Variants in PDE7B observed in about 807,000 individuals in gnomAD.
The protein encoded by PDE7B is 3',5'-cyclic-AMP phosphodiesterase 7B.
PDE7B carries 29 observed loss-of-function variants against 56.2 expected under a neutral mutation model. The observed-to-expected ratio is 0.52, with a 90% CI of 0.38 to 0.70. PDE7B has a LOEUF of 0.70. Ranked by LOEUF, PDE7B falls within the 30% of genes least tolerant of loss-of-function variation. PDE7B has a pLI of 0.00. For synonymous variants in PDE7B, 197 were observed against 196.9 expected (o/e 1.00, Z 0.00); for missense variants, 490 against 565.0 (o/e 0.87, Z 1.35).
intron 2 of PDE7B, among the ~76,000 whole-genome samples, chr6:135,961,265 G>GTGTGTGTGTGTGTA (rs1562453374): frequency 7.0e-6 from 1 of 142,290 alleles, no homozygotes; most frequent in African/African-American, 2.9e-5. Flanking sequence ...ATGTGTGTGT[G>GTGTGTGTGTGTGTA]TGTGTGTGTG....
chr6:136,184,833 A>C (rs1779119436), intron 11 of PDE7B, among the ~76,000 whole-genome samples: 2 of 152,334 alleles, frequency 1.3e-5, no homozygotes, highest in Admixed American at 6.5e-5. Flanking sequence ...ACCAGGTTAA[A>C]GCAGAGTGAA....
At chr6:136,122,132 A>G (rs1442105461) in intron 3 of PDE7B, among the ~76,000 whole-genome samples, 1 of 151,356 alleles carries the variant, frequency 6.6e-6, no homozygotes, top group African/African-American at 2.4e-5. Context: ...AGTAGCTGGG[A>G]CTCCAGGCGC....
chr6:136,193,007 T>C lies in PDE7B; in HGVS notation c.*1167T>C, dbSNP rs1422400289. On this transcript the variant is annotated 3_prime_UTR_variant, in exon 13 of 13. Coordinates refer to ENST00000308191, the MANE Select transcript of PDE7B (RefSeq NM_018945.4). ...AGTGTTTAATCTATGGCACCAAGCA[T>C]CGTTTCCTCAGATTAATGAGACCCT... The C allele has an allele frequency of 6.6e-6, 1 of 152,434 alleles. No homozygotes were observed. Among genetic ancestry groups the C allele is most frequent in the Non-Finnish European group, 1.5e-5 (1 of 68,046 alleles). The allele number at this position is 152,434 out of a possible 1,614,324, so 9.4% of individuals were successfully genotyped here.
At position 136,191,785 on chromosome 6, in the gene PDE7B, A is replaced by T. The variant is rs756062066; in HGVS notation, c.1298A>T (p.His433Leu). The T allele has an allele frequency of 8.9e-6, 14 of 1,571,694 alleles. No individual in the cohort carries two copies. The highest frequency in any genetic ancestry group is 1.2e-5 in the Non-Finnish European group (14 of 1,159,178). ...GGCAGCAGTGGCAGCGGGCCTGACC[A>T]CGACCACGCAGGCCAAGGGACTGAG... ...SRGSSGSGPDHDHAGQGTESE... is the reference protein window; with the variant it reads ...SRGSSGSGPDLDHAGQGTESE... Residue 433 changes from histidine (H) to leucine (L), a missense_variant, in exon 13 of 13, where the codon CAC (histidine) becomes CTC (leucine). Coordinates refer to ENST00000308191, the MANE Select transcript of PDE7B (RefSeq NM_018945.4).
chr6:136,108,759 G>T lies in PDE7B; in HGVS notation c.111G>T (p.Gly37=). 4.3e-6 allele frequency: 7 copies of T among 1,611,866 alleles called. No homozygotes were observed. Among genetic ancestry groups the T allele is most frequent in the Non-Finnish European group, 5.9e-6 (7 of 1,178,066 alleles). ...LGDIRLRGQT[G]VRAERRGSYP... ...ATATACGACTAAGGGGTCAGACGGG[G>T]GTTCGTGCTGAACGCCGTGGCTCCT... The change falls in exon 3 of 13, where the codon GGG becomes GGT. Residue 37 remains glycine, a synonymous_variant. Transcript: ENST00000308191.
rs74476084 is a variant in PDE7B, at chr6:135,867,632, T to C, written c.21+15613T>C. ...CAGTGTGCACTGTTCCCCTCTTAAATGGTAAGTTTTATGAAACGTTACTCT... is the reference window on the plus strand; with the variant it reads ...CAGTGTGCACTGTTCCCCTCTTAAACGGTAAGTTTTATGAAACGTTACTCT... On this transcript the variant is annotated intron_variant, in intron 1 of 12. Transcript: ENST00000308191. Among the ~76,000 whole-genome samples, 1,396 of 152,290 alleles carry C rather than the reference T, an allele frequency of 9.2e-3. 18 individuals are homozygous for C. The highest frequency in any genetic ancestry group is 0.012 in the Non-Finnish European group (801 of 68,016).
chr6:135,876,677 T>C lies in PDE7B; in HGVS notation c.21+24658T>C, dbSNP rs183008583. On this transcript the variant is annotated intron_variant, in intron 1 of 12. Coordinates refer to ENST00000308191, the MANE Select transcript of PDE7B (RefSeq NM_018945.4). ...TTCAAGACCAGCCTGGCCAACATGG[T>C]GAGACCCCCGTCTCTACTAAAAATA... Among the ~76,000 whole-genome samples, 934 of 152,132 alleles carry C rather than the reference T, an allele frequency of 6.1e-3. 4 individuals carry two copies. The highest frequency in any genetic ancestry group is 0.012 in the South Asian group (57 of 4,800).
chr6:136,136,301 A>G (rs75860566), intron 3 of PDE7B, among the ~76,000 whole-genome samples: 200 of 152,238 alleles, frequency 1.3e-3, no homozygotes, highest in African/African-American at 4.6e-3. Context: ...GAGCACACAC[A>G]TCAGGAAAGT....
intron 2 of PDE7B, among the ~76,000 whole-genome samples, chr6:136,073,961 T>C (rs1777089663): frequency 1.3e-5 from 2 of 152,188 alleles, no homozygotes; most frequent in South Asian, 2.1e-4. Context: ...TTCTTTCCAA[T>C]AGAAATAATT....
At chr6:136,006,077 T>C (rs1258918401) in intron 2 of PDE7B, among the ~76,000 whole-genome samples, 1 of 150,712 alleles carries the variant, frequency 6.6e-6, no homozygotes, top group Non-Finnish European at 1.5e-5. Context: ...AAATTGGAAA[T>C]CATCATTCTC....
chr6:135,935,217 T>TATATA (rs1554268029), intron 1 of PDE7B, among the ~76,000 whole-genome samples: 7 of 91,174 alleles, frequency 7.7e-5, no homozygotes, highest in African/African-American at 9.8e-5. Context: ...TATATATATA[T>TATATA]TTTCATGATT....
At chr6:135,865,947 T>C (rs1399708243) in intron 1 of PDE7B, among the ~76,000 whole-genome samples, 1 of 152,144 alleles carries the variant, frequency 6.6e-6, no homozygotes, top group South Asian at 2.1e-4. Flanking sequence ...GGAAAACACA[T>C]ATAGTATTAA....
At chr6:136,019,901 G>A (rs1216708395) in intron 2 of PDE7B, among the ~76,000 whole-genome samples, 1 of 152,166 alleles carries the variant, frequency 6.6e-6, no homozygotes, top group Admixed American at 6.5e-5. Flanking sequence ...AGTAGGCTGA[G>A]GAGAGGGAGG....
intron 2 of PDE7B, among the ~76,000 whole-genome samples, chr6:136,089,871 CTG>C (rs918190397): frequency 2.6e-5 from 4 of 152,132 alleles, no homozygotes; most frequent in African/African-American, 9.7e-5. Context: ...TCCTTATTTT[CTG>C]TGTCTAGTGT....
chr6:136,151,021 C>G (rs573499483), intron 5 of PDE7B, 139 bp from the exon 6 acceptor site: 2 of 574,384 alleles, frequency 3.5e-6, no homozygotes, highest in African/African-American at 2.0e-5. Flanking sequence ...TATGCTCTAT[C>G]CTTGAATAAT....
intron 3 of PDE7B, among the ~76,000 whole-genome samples, chr6:136,130,486 G>A (rs1778098979): frequency 6.6e-6 from 1 of 152,192 alleles, no homozygotes; most frequent in Non-Finnish European, 1.5e-5. Context: ...ACTTTCTTGA[G>A]AGCAGAGCAC....
At chr6:136,114,009 G>C (rs549905411) in intron 3 of PDE7B, among the ~76,000 whole-genome samples, 12 of 152,324 alleles carry the variant, frequency 7.9e-5, no homozygotes, top group Admixed American at 1.3e-4. Flanking sequence ...TTGAGGAAAA[G>C]AAACAGCTTC....
intron 2 of PDE7B, among the ~76,000 whole-genome samples, chr6:136,005,486 A>G (rs1775763284): frequency 6.6e-6 from 1 of 152,224 alleles, no homozygotes; most frequent in Admixed American, 6.5e-5. Flanking sequence ...AGAATCTACA[A>G]TGAACTCCAA....
chr6:135,958,441 A>C (rs560156619), intron 2 of PDE7B, among the ~76,000 whole-genome samples: 6 of 152,158 alleles, frequency 3.9e-5, no homozygotes, highest in Non-Finnish European at 8.8e-5. Flanking sequence ...TATTGGAAGG[A>C]GTATAGATTA....
Sources: gnomAD v4.1 joint callset for allele counts (sites outside exome capture counted in the v4.1 genomes callset) on GRCh38, gnomAD v4.1.1 for gene constraint, MANE v1.5 for transcripts, NCBI Gene and HGNC (gene_info 2026-07-23, HGNC 2026-07-21) for gene names.